ZNF429: variants seen among roughly 807,000 people sequenced by gnomAD.
ZNF429 encodes the protein zinc finger protein 429.
Under a neutral mutation model 56.8 loss-of-function variants are expected in ZNF429, and 53 were observed. That is an observed-to-expected ratio of 0.93 (90% CI 0.75 to 1.17). The LOEUF (loss-of-function observed/expected upper bound fraction) is 1.17. Ranked by LOEUF, ZNF429 falls within the 50% of genes most tolerant of loss-of-function variation. ZNF429 has a pLI of 0.00. For missense variants in ZNF429, 849 were observed against 788.4 expected, an observed-to-expected ratio of 1.08 and a Z score of -0.92; for synonymous variants, 278 against 264.7, an observed-to-expected ratio of 1.05 and a Z score of -0.49.
chr19:21,526,531 C>A (rs1428157015), intron 1 of ZNF429, among the ~76,000 whole-genome samples: 1 of 152,156 alleles, frequency 6.6e-6, no homozygotes, highest in Non-Finnish European at 1.5e-5. Context: ...TTTGCACCAA[C>A]CTAATAGTTG....
chr19:21,515,707 C>T (rs1032495110), intron 1 of ZNF429, among the ~76,000 whole-genome samples: 1 of 152,004 alleles, frequency 6.6e-6, no homozygotes, highest in African/African-American at 2.4e-5. Context: ...ATGGTATTTC[C>T]TAGGTCATCT....
chr19:21,514,396 G>A (rs2032642117), intron 1 of ZNF429, among the ~76,000 whole-genome samples: 1 of 151,904 alleles, frequency 6.6e-6, no homozygotes, highest in African/African-American at 2.4e-5. Context: ...GTCCATATGT[G>A]CTTGTTATTT....
intron 1 of ZNF429, among the ~76,000 whole-genome samples, chr19:21,517,618 G>T (rs1423152127): frequency 6.6e-6 from 1 of 151,962 alleles, no homozygotes; most frequent in East Asian, 1.9e-4. Context: ...GCTTGTTATT[G>T]TTCTGTTCTG....
chr19:21,531,195 T>A, intron 3 of ZNF429, among the ~76,000 whole-genome samples: 1 of 150,822 alleles, frequency 6.6e-6, no homozygotes, highest in Non-Finnish European at 1.5e-5. Context: ...GAATATTCAT[T>A]CTGTTGAAAA....
chr19:21,525,708 T>C (rs978886333), intron 1 of ZNF429, among the ~76,000 whole-genome samples: 4 of 149,336 alleles, frequency 2.7e-5, no homozygotes, highest in African/African-American at 9.9e-5. Flanking sequence ...TTCCTGCAGA[T>C]CCAGTAGTTG....
At chr19:21,518,911 G>A (rs2032883014) in intron 1 of ZNF429, 1 of 152,250 alleles carries the variant, frequency 6.6e-6, no homozygotes, top group African/African-American at 2.4e-5. Context: ...CATTTGGTAT[G>A]ATTTTGGGAT....
Position 21,524,818 on chromosome 19 carries a change from AAG to A in ZNF429, c.4-4836_4-4835del, listed in dbSNP as rs554995015. 5.3e-5 allele frequency among the ~76,000 whole-genome samples: 8 copies of A among 152,280 alleles called. No individual in the cohort carries two copies. The South Asian group carries it at 1.2e-3, about 24-fold the overall frequency. On this transcript the variant is annotated intron_variant, in intron 1 of 3. Transcript: ENST00000358491. ...GTTAATTCCGCTTCTGTTTCAATGTAAGAGAAATGAATCATCTTGTGTTTGTT... is the reference window on the plus strand; with the variant it reads ...GTTAATTCCGCTTCTGTTTCAATGTAAGAAATGAATCATCTTGTGTTTGTT...
intron 1 of ZNF429, chr19:21,518,439 ACTT>A (rs1644401315): frequency 6.6e-6 from 1 of 152,232 alleles, no homozygotes; most frequent in African/African-American, 2.4e-5. Flanking sequence ...GTTTTAAAGA[ACTT>A]CTTGATTTGT....
intron 1 of ZNF429, among the ~76,000 whole-genome samples, chr19:21,519,206 C>G (rs1257048858): frequency 6.6e-6 from 1 of 152,172 alleles, no homozygotes; most frequent in Non-Finnish European, 1.5e-5. Context: ...CAGGCACAGC[C>G]CACATCCAGG....
At position 21,537,289 on chromosome 19, in the gene ZNF429, T is replaced by A. The variant is rs1285264687; in HGVS notation, c.1236T>A (p.Leu412=). The A allele has an allele frequency of 6.2e-7, 1 of 1,613,936 alleles. No homozygotes were observed. Among genetic ancestry groups the A allele is most frequent in the Admixed American group, 1.7e-5 (1 of 59,984 alleles). The change falls in exon 4 of 4, where the codon CTT becomes CTA. Residue 412 remains leucine, a synonymous_variant. Transcript: ENST00000358491. ...CGRVFTCSST[L]TQDKKIHTGE... is the part of the protein sequence containing the mutation. ...GAGTTTTTACCTGTTCCTCAACACT[T>A]ACTCAAGACAAGAAAATTCATACTG... is the stretch of plus-strand genomic sequence containing the variant.
chr19:21,509,404 C>T (rs2032346562), intron 1 of ZNF429, among the ~76,000 whole-genome samples: 1 of 152,132 alleles, frequency 6.6e-6, no homozygotes, highest in South Asian at 2.1e-4. Flanking sequence ...GTAAAATTGC[C>T]TTGTTTTATA....
intron 2 of ZNF429, 100 bp downstream of exon 2, chr19:21,529,884 G>C: frequency 6.9e-6 from 6 of 871,848 alleles, no homozygotes; most frequent in Non-Finnish European, 9.7e-6. Flanking sequence ...GCATAAATGA[G>C]TTTCAGATTC....
chr19:21,537,509 T>C lies in ZNF429; in HGVS notation c.1456T>C (p.Cys486Arg). ...AGAGAAACCCTACAAATGTGAAGAA[T>C]GTGGCAAAGCCTTTAAGCAGTCCTC... ...TGEKPYKCEE[C>R]GKAFKQSSNL... Residue 486 changes from cysteine (C) to arginine (R), a missense_variant, in exon 4 of 4, where the codon TGT (cysteine) becomes CGT (arginine). Transcript: ENST00000358491. 8.7e-6 allele frequency: 14 copies of C among 1,613,828 alleles called. No individual in the cohort carries two copies. Among genetic ancestry groups the C allele is most frequent in the Non-Finnish European group, 1.2e-5 (14 of 1,179,990 alleles).
In ZNF429 at chr19:21,535,469, TTTC is replaced by T; in HGVS notation, c.227-808_227-806del. The stretch of plus-strand genomic sequence containing the variant: ...CTTTCTTTCTTTCTTTCTTTCTTTC[TTTC>T]TTTCTTTCTTTCTTTCTTTCTTTCT... On this transcript the variant is annotated intron_variant, in intron 3 of 3. Coordinates refer to ENST00000358491, the MANE Select transcript of ZNF429 (RefSeq NM_001001415.4). Among the ~76,000 whole-genome samples, 70 of 99,504 alleles carry T rather than the reference TTTC, an allele frequency of 7.0e-4. 6 individuals are homozygous for T. Among genetic ancestry groups the T allele is most frequent in the African/African-American group, 2.7e-3 (65 of 24,036 alleles). The allele number at this position is 99,504 out of a possible 152,430, so 65.3% of individuals were successfully genotyped here.
At chr19:21,531,891 C>G in intron 3 of ZNF429, among the ~76,000 whole-genome samples, 1 of 147,980 alleles carries the variant, frequency 6.8e-6, no homozygotes, top group Non-Finnish European at 1.5e-5. Flanking sequence ...CATTAAAAAA[C>G]CATAAACAGT....
chr19:21,535,433 T>C lies in ZNF429; in HGVS notation c.227-847T>C. On this transcript the variant is annotated intron_variant, in intron 3 of 3. Transcript: ENST00000358491. Reference sequence around the variant, plus strand: ...TTTCTTTTCTTTCTTTCTTTCTTTCTTTCTTTCTTTCTTTCTTTCTTTCTT... The same window carrying C: ...TTTCTTTTCTTTCTTTCTTTCTTTCCTTCTTTCTTTCTTTCTTTCTTTCTT... Among the ~76,000 whole-genome samples the C allele has an allele frequency of 2.4e-4, 6 of 25,056 alleles. 1 individual carries two copies. Among genetic ancestry groups the C allele is most frequent in the African/African-American group, 1.2e-3 (5 of 4,246 alleles). 16.4% of individuals were successfully genotyped at this position (25,056 alleles called of 152,430 possible). A position where few individuals can be genotyped will look rare whatever the true frequency, so the allele number is the denominator to read the frequency against.
chr19:21,513,053 A>G (rs2032575793), intron 1 of ZNF429, among the ~76,000 whole-genome samples: 1 of 151,784 alleles, frequency 6.6e-6, no homozygotes, highest in Non-Finnish European at 1.5e-5. Context: ...TCTATTTTTC[A>G]GTAGAGACAG....
At chr19:21,530,190 CAA>C in intron 2 of ZNF429, among the ~76,000 whole-genome samples, 25 of 59,204 alleles carry the variant, frequency 4.2e-4, no homozygotes, top group Admixed American at 9.5e-4. Context: ...GACTCCATCT[CAA>C]AAAAAAAAAA....
In ZNF429 at chr19:21,537,716, C is replaced by T; in HGVS notation, c.1663C>T (p.His555Tyr). Reference protein sequence around the residue: ...AFNRSSRLTQHKKIHTGEKPY... With the variant: ...AFNRSSRLTQYKKIHTGEKPY... ...TAACCGGTCCTCAAGACTTACTCAA[C>T]ATAAGAAAATTCATACTGGAGAGAA... is the stretch of plus-strand genomic sequence containing the variant. The change falls in exon 4 of 4, where the codon CAT becomes TAT. Residue 555 changes from histidine (H) to tyrosine (Y), a missense_variant. Physicochemically the swap from His to Tyr is moderately conservative, Grantham distance 83. Coordinates refer to ENST00000358491, the MANE Select transcript of ZNF429 (RefSeq NM_001001415.4). 2 of 1,613,814 alleles carry T rather than the reference C, an allele frequency of 1.2e-6. No homozygotes were observed. Among genetic ancestry groups the T allele is most frequent in the East Asian group, 2.2e-5 (1 of 44,852 alleles).
Sources: gnomAD v4.1 joint callset for allele counts (sites outside exome capture counted in the v4.1 genomes callset) on GRCh38, gnomAD v4.1.1 for gene constraint, MANE v1.5 for transcripts, NCBI Gene and HGNC (gene_info 2026-07-23, HGNC 2026-07-21) for gene names.